Variants in CR2 observed in about 807,000 individuals in gnomAD.
CR2 encodes complement receptor type 2.
A neutral mutation model predicts 123.0 loss-of-function variants in CR2; 96 were observed. That is an observed-to-expected ratio of 0.78 (90% CI 0.66 to 0.93). CR2 has a LOEUF of 0.93. Ranked by LOEUF, CR2 falls within the 40% of genes least tolerant of loss-of-function variation. CR2 has a pLI of 0.00. For missense variants in CR2, 1,258 were observed against 1,361.0 expected, an observed-to-expected ratio of 0.92 and a Z score of 1.19; for synonymous variants, 484 against 469.5, an observed-to-expected ratio of 1.03 and a Z score of -0.40.
chr1:207,477,892 CTG>C lies in CR2; in HGVS notation c.2912_2913del (p.Cys971Ter). 1 of 1,613,880 alleles carries C rather than the reference CTG, an allele frequency of 6.2e-7. No homozygotes were observed. Among genetic ancestry groups the C allele is most frequent in the Non-Finnish European group, 8.5e-7 (1 of 1,179,878 alleles). On this transcript the variant is annotated frameshift_variant, in exon 16 of 20. Transcript: ENST00000367057. LOFTEE classifies it high-confidence loss of function. Reference protein sequence around the residue: ...QPAPHCKEVNCSSPADMDGIQ... With the variant: ...QPAPHCKEVNXSSPADMDGIQ... ...AGATTTCTTTAATTTCAGAGGTAAA[CTG>C]TAGCTCACCAGCAGATATGGATGGA...
intron 5 of CR2, 72 bp downstream of exon 5, chr1:207,469,304 C>A: frequency 9.0e-7 from 1 of 1,105,998 alleles, no homozygotes; most frequent in Non-Finnish European, 1.4e-6. Flanking sequence ...TCAGTCATTA[C>A]CTTACAGACT....
At position 207,476,330 on chromosome 1, in the gene CR2, G is replaced by C. The variant is rs1319292424; in HGVS notation, c.2813G>C (p.Ser938Thr). Residue 938 changes from serine (S) to threonine (T), a missense_variant, in exon 15 of 20, where the codon AGC becomes ACC. Coordinates refer to ENST00000367057, the MANE Select transcript of CR2 (RefSeq NM_001006658.3). ...RFSPGMSILY[S>T]CDQGYLLVGE... Reference sequence around the variant, plus strand: ...TCTCCTGGAATGTCAATCCTGTACAGCTGTGACCAAGGCTACCTGCTGGTG... The same window carrying C: ...TCTCCTGGAATGTCAATCCTGTACACCTGTGACCAAGGCTACCTGCTGGTG... The C allele has an allele frequency of 6.2e-7, 1 of 1,614,016 alleles. No individual in the cohort carries two copies. Among genetic ancestry groups the C allele is most frequent in the Non-Finnish European group, 8.5e-7 (1 of 1,179,914 alleles).
At chr1:207,476,122 C>T (rs999675798) in intron 14 of CR2, 112 bp from the exon 15 acceptor site, 1 of 935,786 alleles carries the variant, frequency 1.1e-6, no homozygotes. Context: ...TTTTGGATAC[C>T]AGTTAGTTGG....
chr1:207,473,600 C>T lies in CR2; in HGVS notation c.2034C>T (p.Val678=). 6.2e-7 allele frequency: 1 copy of T among 1,613,920 alleles called. No individual in the cohort carries two copies. Among genetic ancestry groups the T allele is most frequent in the South Asian group, 1.1e-5 (1 of 91,076 alleles). The change falls in exon 11 of 20, where the codon GTC becomes GTT. Residue 678 remains valine (V), a synonymous_variant. Coordinates refer to ENST00000367057, the MANE Select transcript of CR2 (RefSeq NM_001006658.3). The stretch of plus-strand genomic sequence containing the variant: ...GTCGTCATACAGGTGGAAATACGGT[C>T]TTCTTTGTCTCTGGGATGACTGTAG... The part of the protein sequence containing the change: ...HHGRHTGGNT[V]FFVSGMTVDY...
In CR2 at chr1:207,474,858, T is replaced by C. The variant is rs200764424; in HGVS notation, c.2358T>C (p.Asn786=). The part of the protein sequence containing the change: ...IHCHPPPVIV[N]GKHTGMMAEN... ...GTCACCCTCCACCAGTGATTGTCAA[T>C]GGGAAGCACACAGGCATGATGGCAG... Residue 786 remains asparagine, a synonymous_variant, in exon 14 of 20, where the codon AAT becomes AAC. Transcript: ENST00000367057. The C allele has an allele frequency of 6.1e-5, 99 of 1,613,900 alleles. No homozygotes were observed. Among genetic ancestry groups the C allele is most frequent in the Non-Finnish European group, 8.1e-5 (95 of 1,179,952 alleles).
chr1:207,473,075 C>G lies in CR2; in HGVS notation c.1874C>G (p.Thr625Ser). 1 of 1,613,990 alleles carries G rather than the reference C, an allele frequency of 6.2e-7. No homozygotes were observed. The highest frequency in any genetic ancestry group is 1.3e-5 in the African/African-American group (1 of 75,000). ...GAAGCCCCATATTTCTACAATGACACTGTGACATTCAAGTGTTATAGTGGA... is the reference window on the plus strand; with the variant it reads ...GAAGCCCCATATTTCTACAATGACAGTGTGACATTCAAGTGTTATAGTGGA... Reference protein sequence around the residue: ...GKEAPYFYNDTVTFKCYSGFT... With the variant: ...GKEAPYFYNDSVTFKCYSGFT... Residue 625 changes from threonine to serine, a missense_variant, in exon 10 of 20, where the codon ACT (threonine) becomes AGT (serine). Transcript: ENST00000367057.
At chr1:207,474,447 G>GA in intron 13 of CR2, 124 bp downstream of exon 13, 1 of 766,058 alleles carries the variant, frequency 1.3e-6, no homozygotes. Flanking sequence ...GGTTAGATAA[G>GA]AAAAATCTTA....
In CR2 at chr1:207,472,872, C is replaced by A. The variant is rs769117465; in HGVS notation, c.1671C>A (p.Asn557Lys). The A allele has an allele frequency of 5.0e-6, 8 of 1,613,898 alleles. No individual in the cohort carries two copies. In the East Asian group the frequency reaches 1.1e-4, roughly 22 times the overall value. Residue 557 changes from asparagine (N) to lysine (K), a missense_variant, in exon 10 of 20, where the codon AAC becomes AAA. Transcript: ENST00000367057. The part of the protein sequence containing the change: ...PYGTTVTYTC[N>K]PGPERGVEFS... Reference sequence around the variant, plus strand: ...GAACCACGGTCACTTACACATGTAACCCTGGGCCAGAAAGAGGAGTGGAAT... The same window carrying A: ...GAACCACGGTCACTTACACATGTAAACCTGGGCCAGAAAGAGGAGTGGAAT...
At chr1:207,478,521 C>A (rs2102310117) in intron 16 of CR2, among the ~76,000 whole-genome samples, 2 of 64,776 alleles carry the variant, frequency 3.1e-5, no homozygotes, top group East Asian at 3.7e-4. Flanking sequence ...GAGTAAGACC[C>A]TATCAAAAAA....
At chr1:207,458,461 C>T (rs992561616) in intron 1 of CR2, among the ~76,000 whole-genome samples, 7 of 152,286 alleles carry the variant, frequency 4.6e-5, no homozygotes, top group African/African-American at 1.7e-4. Flanking sequence ...CTAAAAAGCC[C>T]TTCATGATCC....
At chr1:207,480,642 T>C (rs1339798660) in intron 18 of CR2, among the ~76,000 whole-genome samples, 2 of 152,158 alleles carry the variant, frequency 1.3e-5, no homozygotes, top group Non-Finnish European at 2.9e-5. Context: ...TAAAGATAAG[T>C]GCATGAGCAT....
At chr1:207,482,813 C>A (rs1431088827) in intron 18 of CR2, among the ~76,000 whole-genome samples, 1 of 152,004 alleles carries the variant, frequency 6.6e-6, no homozygotes, top group South Asian at 2.1e-4. Flanking sequence ...ACAGAAAGAG[C>A]AGTTTGAATA....
chr1:207,454,808 T>C lies in CR2; in HGVS notation c.58+332T>C, dbSNP rs956310639. The stretch of plus-strand genomic sequence containing the variant: ...GATTCTGCAGGTGCTCATCGCTCTC[T>C]GGCCGGCGGTCAGCGCTACCGCTCG... On this transcript the variant is annotated intron_variant, in intron 1 of 19. Coordinates refer to ENST00000367057, the MANE Select transcript of CR2 (RefSeq NM_001006658.3). The surrounding 1 kb of genome is among the most constrained non-coding windows in gnomAD (Gnocchi z 4.3). The C allele has an allele frequency of 1.7e-5, 5 of 294,578 alleles. No individual in the cohort carries two copies. The highest frequency in any genetic ancestry group is 3.2e-5 in the Non-Finnish European group (5 of 157,302). The allele number at this position is 294,578 out of a possible 1,614,324, so 18.2% of individuals were successfully genotyped here.
chr1:207,458,374 G>A (rs1657891028), intron 1 of CR2, among the ~76,000 whole-genome samples: 2 of 151,494 alleles, frequency 1.3e-5, no homozygotes, highest in African/African-American at 4.9e-5. Context: ...CTTTAAAAAT[G>A]TAAGTCAGGC....
At chr1:207,481,564 AAAAAT>A (rs1294151346) in intron 18 of CR2, among the ~76,000 whole-genome samples, 7 of 152,126 alleles carry the variant, frequency 4.6e-5, no homozygotes, top group African/African-American at 1.7e-4. Flanking sequence ...CATACCCTAG[AAAAAT>A]AAAATAAAAT....
At chr1:207,475,918 G>A (rs1479747957) in intron 14 of CR2, among the ~76,000 whole-genome samples, 1 of 152,208 alleles carries the variant, frequency 6.6e-6, no homozygotes, top group Non-Finnish European at 1.5e-5. Flanking sequence ...GTAGACATTT[G>A]AAGGTGTAAC....
intron 1 of CR2, among the ~76,000 whole-genome samples, chr1:207,457,825 G>A (rs1657870820): frequency 6.6e-6 from 1 of 151,982 alleles, no homozygotes; most frequent in African/African-American, 2.4e-5. Context: ...TTGGGGCTCA[G>A]CCCTGAGCCT....
Position 207,473,153 on chromosome 1 carries a change from A to T in CR2, c.1952A>T (p.Asp651Val). 2 of 1,613,936 alleles carry T rather than the reference A, an allele frequency of 1.2e-6. No individual in the cohort carries two copies. Among genetic ancestry groups the T allele is most frequent in the South Asian group, 2.2e-5 (2 of 91,066 alleles). The change falls in exon 10 of 20, where the codon GAT (aspartate) becomes GTT (valine). Residue 651 changes from aspartate (D) to valine (V), a missense_variant. Asp to Val is a radical substitution (Grantham distance 152, BLOSUM62 -3). Transcript: ENST00000367057. ...QIRCKADNTW[D>V]PEIPVCEKGC... ...CGTTGCAAAGCTGATAACACCTGGGATCCTGAAATACCAGTTTGTGAAAAA... is the reference window on the plus strand; with the variant it reads ...CGTTGCAAAGCTGATAACACCTGGGTTCCTGAAATACCAGTTTGTGAAAAA...
At position 207,475,092 on chromosome 1, in the gene CR2, A is replaced by G. The variant is rs1196916673; in HGVS notation, c.2592A>G (p.Ala864=). 12 of 1,612,592 alleles carry G rather than the reference A, an allele frequency of 7.4e-6. No individual in the cohort carries two copies. Among genetic ancestry groups the G allele is most frequent in the African/African-American group, 2.7e-5 (2 of 74,870 alleles). The part of the protein sequence containing the change: ...HGYKLNKTHS[A]YSHNDIVYVD... ...ACAAGCTCAATAAAACACATTCTGC[A>G]TATTCCCACAATGACATAGTGTATG... Residue 864 remains alanine, a synonymous_variant, in exon 14 of 20, where the codon GCA becomes GCG. Coordinates refer to ENST00000367057, the MANE Select transcript of CR2 (RefSeq NM_001006658.3).
Sources: gnomAD v4.1 joint callset for allele counts (sites outside exome capture counted in the v4.1 genomes callset) on GRCh38, gnomAD v4.1.1 for gene constraint, Gnocchi (gnomAD v3.1) non-coding constraint, MANE v1.5 for transcripts, NCBI Gene and HGNC (gene_info 2026-07-23, HGNC 2026-07-21) for gene names.